MYO10: variants seen among roughly 807,000 people sequenced by gnomAD.
MYO10 encodes unconventional myosin-X.
MYO10 carries 133 observed loss-of-function variants against 257.3 expected under a neutral mutation model. The ratio of observed to expected loss-of-function variants is 0.52; its 90% CI spans 0.45 to 0.60. MYO10 has a LOEUF of 0.60. MYO10 is among the 20% of genes least tolerant of loss of function. The pLI, the probability that MYO10 is intolerant of heterozygous loss-of-function variation, is 0.00. For synonymous variants in MYO10, 1,104 were observed against 1,028.6 expected (o/e 1.07, Z -1.40); for missense variants, 2,399 against 2,635.7 (o/e 0.91, Z 1.97).
intron 32 of MYO10, 98 bp from the exon 33 acceptor site, chr5:16,680,202 TCAATTCAATAGACA>T: frequency 7.2e-7 from 1 of 1,383,624 alleles, no homozygotes; most frequent in Non-Finnish European, 9.8e-7. Context: ...CTTTAATTAT[TCAATTCAATAGACA>T]CTGGCTTAAT....
intron 19 of MYO10, among the ~76,000 whole-genome samples, chr5:16,738,907 A>G (rs1286524184): frequency 6.6e-6 from 1 of 151,488 alleles, no homozygotes; most frequent in Non-Finnish European, 1.5e-5. Flanking sequence ...AAAAAAAAAA[A>G]AAAAGTACAC....
intron 2 of MYO10, among the ~76,000 whole-genome samples, chr5:16,826,778 T>C (rs1743014603): frequency 6.6e-6 from 1 of 152,196 alleles, no homozygotes; most frequent in South Asian, 2.1e-4. Flanking sequence ...TCGCTCTTAT[T>C]TTCCTCCTTT....
Position 16,762,054 on chromosome 5 carries a change from A to G in MYO10, c.1647T>C (p.Tyr549=). ...VAVNNFGVKH[Y]AGEVQYDVRG... is the part of the protein sequence containing the mutation. ...CTTAATAAAAAGTTACCTCTCCAGC[A>G]TAGTGCTTCACTCCAAAATTGTTAA... Residue 549 remains tyrosine (Y), a synonymous_variant, in exon 16 of 41, where the codon TAT becomes TAC. Coordinates refer to ENST00000513610, the MANE Select transcript of MYO10 (RefSeq NM_012334.3). 1 of 1,549,914 alleles carries G rather than the reference A, an allele frequency of 6.5e-7. No individual in the cohort carries two copies. The highest frequency in any genetic ancestry group is 8.7e-7 in the Non-Finnish European group (1 of 1,153,920).
Position 16,769,306 on chromosome 5 carries a change from C to A in MYO10, c.931-103G>T. 5 of 1,257,014 alleles carry A rather than the reference C, an allele frequency of 4.0e-6. No homozygotes were observed. The Admixed American group carries it at 9.8e-5, about 25-fold the overall frequency. The allele number at this position is 1,257,014 out of a possible 1,614,324, so 77.9% of individuals were successfully genotyped here. A position where few individuals can be genotyped will look rare whatever the true frequency, so the allele number is the denominator to read the frequency against. ...AAATTACTAGGTGTTATTGAAAAGGCAAAGAAACAAAAAATAGATGCATAA... is the reference window on the plus strand; with the variant it reads ...AAATTACTAGGTGTTATTGAAAAGGAAAAGAAACAAAAAATAGATGCATAA... On this transcript the variant is annotated intron_variant, in intron 9 of 40. Coordinates refer to ENST00000513610, the MANE Select transcript of MYO10 (RefSeq NM_012334.3).
chr5:16,669,975 G>T (rs1022119500), intron 39 of MYO10, among the ~76,000 whole-genome samples: 3 of 152,178 alleles, frequency 2.0e-5, no homozygotes, highest in Non-Finnish European at 4.4e-5. Context: ...TAGAAAAAAG[G>T]AGGCAGGCAA....
rs759078776 is a variant in MYO10 at position 16,670,774 on chromosome 5, TCTC to T, written c.5632_5634del (p.Glu1878del). 2.2e-5 allele frequency: 36 copies of T among 1,613,870 alleles called. No individual in the cohort carries two copies. In the African/African-American group the frequency reaches 4.1e-4, roughly 19 times the overall value. On this transcript the variant is annotated inframe_deletion, in exon 39 of 41. Transcript: ENST00000513610. ...CCCTCTAGGAAGCTCGTCCGCCTCTTCTCCAGCCGTTCACAAGGGGTGAAGGTT... is the reference window on the plus strand; with the variant it reads ...CCCTCTAGGAAGCTCGTCCGCCTCTTCAGCCGTTCACAAGGGGTGAAGGTT...
intron 3 of MYO10, among the ~76,000 whole-genome samples, chr5:16,803,424 A>C (rs1343051730): frequency 6.6e-6 from 1 of 152,122 alleles, no homozygotes; most frequent in Admixed American, 6.5e-5. Flanking sequence ...ACCCTATCTC[A>C]AAAGAAAAAA....
chr5:16,793,724 G>GTT lies in MYO10; in HGVS notation c.467+920_467+921dup, dbSNP rs1317594521. Among the ~76,000 whole-genome samples, 12 of 152,262 alleles carry GTT rather than the reference G, an allele frequency of 7.9e-5. No individual in the cohort carries two copies. The East Asian group carries it at 2.1e-3, about 27-fold the overall frequency. On this transcript the variant is annotated intron_variant, in intron 4 of 40. Transcript: ENST00000513610. ...GCAGGCGGATCACCTGAGGTCGGGAGTTTAAGACCAGCCTGACCAACACAG... is the reference window on the plus strand; with the variant it reads ...GCAGGCGGATCACCTGAGGTCGGGAGTTTTTAAGACCAGCCTGACCAACACAG...
At chr5:16,752,169 G>A (rs918276909) in intron 19 of MYO10, among the ~76,000 whole-genome samples, 2 of 152,216 alleles carry the variant, frequency 1.3e-5, no homozygotes, top group African/African-American at 4.8e-5. Flanking sequence ...AGGAATTTAA[G>A]ATGCCTACGA....
intron 1 of MYO10, among the ~76,000 whole-genome samples, chr5:16,887,713 AC>A (rs1433820687): frequency 6.6e-6 from 1 of 151,968 alleles, no homozygotes; most frequent in Non-Finnish European, 1.5e-5. Flanking sequence ...CTGGTATCAA[AC>A]GACTGACCTC....
intron 33 of MYO10, among the ~76,000 whole-genome samples, 182 bp from the exon 34 acceptor site, chr5:16,676,336 T>C (rs1454691668): frequency 6.6e-6 from 1 of 152,184 alleles, no homozygotes; most frequent in African/African-American, 2.4e-5. Flanking sequence ...CAAAAATACA[T>C]TCTTACAGCT....
At chr5:16,737,767 A>G (rs529453417) in intron 19 of MYO10, among the ~76,000 whole-genome samples, 1 of 152,312 alleles carries the variant, frequency 6.6e-6, no homozygotes, top group East Asian at 1.9e-4. Context: ...AGCGTCTAGC[A>G]GGTAGATGCC....
chr5:16,706,994 G>A (rs985567193), intron 21 of MYO10, among the ~76,000 whole-genome samples: 1 of 152,090 alleles, frequency 6.6e-6, no homozygotes, highest in African/African-American at 2.4e-5. Flanking sequence ...ATGTGTCATG[G>A]GAGGGACCTG....
intron 19 of MYO10, among the ~76,000 whole-genome samples, chr5:16,724,497 C>T (rs1739276172): frequency 6.6e-6 from 1 of 152,092 alleles, no homozygotes; most frequent in Non-Finnish European, 1.5e-5. Context: ...AGGAAGCCAG[C>T]ATAAGGTCCA....
intron 3 of MYO10, among the ~76,000 whole-genome samples, chr5:16,795,960 T>C (rs253371): frequency 0.56 from 85,273 of 151,478 alleles, 23,926 homozygotes; most frequent in South Asian, 0.66. Context: ...GGGGCCGAGG[T>C]GCGAGGATCT....
chr5:16,681,754 C>A, intron 31 of MYO10, 117 bp downstream of exon 31: 1 of 1,298,056 alleles, frequency 7.7e-7, no homozygotes, highest in South Asian at 1.5e-5. Context: ...CTTACAAAAT[C>A]TCCAACAGTT....
Position 16,782,807 on chromosome 5 carries a change from T to G in MYO10, c.602+528A>C, listed in dbSNP as rs940500232. Among the ~76,000 whole-genome samples, 4 of 152,138 alleles carry G rather than the reference T, an allele frequency of 2.6e-5. No individual in the cohort carries two copies. In the East Asian group the frequency reaches 5.8e-4, roughly 22 times the overall value. On this transcript the variant is annotated intron_variant, in intron 5 of 40. Coordinates refer to ENST00000513610, the MANE Select transcript of MYO10 (RefSeq NM_012334.3). Reference sequence around the variant, plus strand: ...GACACCTAGCCCTCTTTCTAAGTTTTGAGGCTCCCTGTTATATAGAATGCA... The same window carrying G: ...GACACCTAGCCCTCTTTCTAAGTTTGGAGGCTCCCTGTTATATAGAATGCA...
rs1398918555 is a variant in MYO10 at position 16,730,863 on chromosome 5, T to TGG, written c.1930-19620_1930-19619dup. Among the ~76,000 whole-genome samples, 3 of 152,086 alleles carry TGG rather than the reference T, an allele frequency of 2.0e-5. No individual in the cohort carries two copies. The East Asian group carries it at 5.8e-4, about 29-fold the overall frequency. ...GCAGCACGCTGCGGAGGATGGAAGG[T>TGG]GGGGTGGCTGATGTTAGATGCTCTC... On this transcript the variant is annotated intron_variant, in intron 19 of 40. Transcript: ENST00000513610.
chr5:16,859,828 C>A (rs934040820), intron 2 of MYO10, among the ~76,000 whole-genome samples: 1 of 152,176 alleles, frequency 6.6e-6, no homozygotes, highest in Non-Finnish European at 1.5e-5. Context: ...CCTTCACCCA[C>A]CCCCAGAGCT....
Sources: allele counts gnomAD v4.1 joint callset (sites outside exome capture counted in the v4.1 genomes callset), GRCh38; gene constraint gnomAD v4.1.1; transcripts MANE v1.5; gene names NCBI Gene and HGNC (gene_info 2026-07-23, HGNC 2026-07-21).